The following TRPC4 variants were observed in gnomAD, a reference collection of about 807,000 sequenced individuals.
TRPC4 encodes the protein transient receptor potential cation channel subfamily C member 4.
A neutral mutation model predicts 99.4 loss-of-function variants in TRPC4; 49 were observed. That is an observed-to-expected ratio of 0.49 (90% CI 0.39 to 0.63). TRPC4 has a LOEUF of 0.63. Ranked by LOEUF, TRPC4 falls within the 20% of genes least tolerant of loss-of-function variation. The pLI, the probability that TRPC4 is intolerant of heterozygous loss-of-function variation, is 0.00. For missense variants in TRPC4, 898 were observed against 1,152.9 expected, an observed-to-expected ratio of 0.78 and a Z score of 3.20; for synonymous variants, 454 against 425.9, an observed-to-expected ratio of 1.07 and a Z score of -0.81.
intron 2 of TRPC4, among the ~76,000 whole-genome samples, chr13:37,763,530 A>G (rs11616422): frequency 0.5 from 76,371 of 151,408 alleles, 20,439 homozygotes; most frequent in Non-Finnish European, 0.6. Flanking sequence ...ATTGCTGGGC[A>G]CCACTGAGCA....
intron 1 of TRPC4, among the ~76,000 whole-genome samples, chr13:37,808,473 C>A (rs1957587655): frequency 6.6e-6 from 1 of 151,978 alleles, no homozygotes; most frequent in Admixed American, 6.6e-5. Context: ...CTGTGATGTA[C>A]CACCCAGCTC....
At chr13:37,703,919 T>C (rs1954184444) in intron 3 of TRPC4, among the ~76,000 whole-genome samples, 1 of 152,118 alleles carries the variant, frequency 6.6e-6, no homozygotes, top group South Asian at 2.1e-4. Context: ...ACAAATATCA[T>C]AGTAGCTTTT....
chr13:37,817,130 C>A (rs891350730), intron 1 of TRPC4, among the ~76,000 whole-genome samples: 8 of 152,054 alleles, frequency 5.3e-5, no homozygotes, highest in Non-Finnish European at 1.5e-5. Flanking sequence ...ACTCCATAGT[C>A]TCAGCACAAA....
chr13:37,785,276 T>C (rs906469336), intron 1 of TRPC4, among the ~76,000 whole-genome samples: 15 of 152,098 alleles, frequency 9.9e-5, no homozygotes, highest in Non-Finnish European at 2.1e-4. Context: ...TGGTTGACAC[T>C]CCCTTCCTTG....
intron 2 of TRPC4, among the ~76,000 whole-genome samples, chr13:37,755,515 C>T (rs980480717): frequency 1.3e-5 from 2 of 151,048 alleles, no homozygotes; most frequent in Non-Finnish European, 3.0e-5. Flanking sequence ...CAAGTGATCC[C>T]ACCTCCCCTC....
At chr13:37,722,782 A>T (rs1449787569) in intron 3 of TRPC4, among the ~76,000 whole-genome samples, 1 of 152,224 alleles carries the variant, frequency 6.6e-6, no homozygotes, top group South Asian at 2.1e-4. Context: ...GTTAATTAGT[A>T]AATAAACACT....
intron 2 of TRPC4, among the ~76,000 whole-genome samples, chr13:37,752,553 ATC>A (rs1401055096): frequency 1.3e-5 from 2 of 151,652 alleles, no homozygotes; most frequent in Admixed American, 6.6e-5. Context: ...TCAGGACCTA[ATC>A]TCTCTCTAGA....
chr13:37,694,535 A>C (rs1398801715), intron 3 of TRPC4, among the ~76,000 whole-genome samples: 3 of 152,184 alleles, frequency 2.0e-5, no homozygotes, highest in African/African-American at 7.2e-5. Context: ...ATACACACAT[A>C]TATACTCTGT....
intron 6 of TRPC4, among the ~76,000 whole-genome samples, chr13:37,657,108 A>AT (rs1474301292): frequency 6.6e-6 from 1 of 152,202 alleles, no homozygotes; most frequent in Non-Finnish European, 1.5e-5. Flanking sequence ...AAAATTTCAT[A>AT]TTTTTAATTG....
intron 6 of TRPC4, among the ~76,000 whole-genome samples, chr13:37,655,864 C>G (rs1414524539): frequency 6.6e-6 from 1 of 152,088 alleles, no homozygotes; most frequent in Non-Finnish European, 1.5e-5. Context: ...ACTAAGTCAT[C>G]ACTAATAAAT....
chr13:37,751,327 T>C (rs1955927274), intron 2 of TRPC4, among the ~76,000 whole-genome samples: 3 of 152,044 alleles, frequency 2.0e-5, no homozygotes, highest in Admixed American at 1.3e-4. Context: ...CTTTCGAAGA[T>C]GCTATTCAAA....
intron 3 of TRPC4, among the ~76,000 whole-genome samples, chr13:37,718,800 G>T (rs12583718): frequency 0.081 from 12,266 of 151,998 alleles, 673 homozygotes; most frequent in Admixed American, 0.17. Flanking sequence ...AATATCAAAA[G>T]GTGTATTTGA....
At chr13:37,648,757 G>A (rs1210947837) in intron 8 of TRPC4, among the ~76,000 whole-genome samples, 1 of 152,130 alleles carries the variant, frequency 6.6e-6, no homozygotes, top group Non-Finnish European at 1.5e-5. Context: ...GCTCCTCTTT[G>A]CTTCTAAAAA....
Position 37,636,978 on chromosome 13 carries a change from C to A in TRPC4, c.2859G>T (p.Glu953Asp). The stretch of plus-strand genomic sequence containing the variant: ...TTAGATCATAGTCTATACTAGAGTC[C>A]TCTTCTTTTGCATGTTTCTCCTTTG... ...IIPKEKHAKE[E>D]DSSIDYDLNL... Residue 953 changes from glutamate to aspartate, a missense_variant, in exon 11 of 11, where the codon GAG becomes GAT. Coordinates refer to ENST00000379705, the MANE Select transcript of TRPC4 (RefSeq NM_016179.4). 6.2e-7 allele frequency: 1 copy of A among 1,613,680 alleles called. No individual in the cohort carries two copies. Among genetic ancestry groups the A allele is most frequent in the Non-Finnish European group, 8.5e-7 (1 of 1,179,752 alleles).
intron 1 of TRPC4, among the ~76,000 whole-genome samples, chr13:37,792,006 A>G (rs1344293866): frequency 5.3e-5 from 8 of 152,164 alleles, no homozygotes; most frequent in South Asian, 2.1e-4. Context: ...AATTCATTCT[A>G]GGCATAATAG....
intron 2 of TRPC4, among the ~76,000 whole-genome samples, chr13:37,772,519 G>T (rs1956583743): frequency 6.6e-6 from 1 of 151,668 alleles, no homozygotes; most frequent in Non-Finnish European, 1.5e-5. Flanking sequence ...ATATATTTGT[G>T]TATGTATATG....
chr13:37,656,154 C>A (rs143728924), intron 6 of TRPC4, among the ~76,000 whole-genome samples: 5 of 151,900 alleles, frequency 3.3e-5, no homozygotes, highest in African/African-American at 9.7e-5. Flanking sequence ...TTAACTTACT[C>A]CAAAAAATGA....
chr13:37,758,119 G>A (rs1054552136), intron 2 of TRPC4, among the ~76,000 whole-genome samples: 5 of 151,778 alleles, frequency 3.3e-5, no homozygotes, highest in Non-Finnish European at 7.4e-5. Flanking sequence ...TTTATTTGTT[G>A]CAGTTCTCTG....
chr13:37,661,411 G>A lies in TRPC4; in HGVS notation c.1688+2005C>T, dbSNP rs1288200007. Reference sequence around the variant, plus strand: ...TTATGTATAACCTATTGATTGCAGAGGAATCAGATAGGTGAGAAGGGTTGG... The same window carrying A: ...TTATGTATAACCTATTGATTGCAGAAGAATCAGATAGGTGAGAAGGGTTGG... On this transcript the variant is annotated intron_variant, in intron 6 of 10. Transcript: ENST00000379705. Among the ~76,000 whole-genome samples, 5 of 152,306 alleles carry A rather than the reference G, an allele frequency of 3.3e-5. No homozygotes were observed. The South Asian group carries it at 8.3e-4, about 25-fold the overall frequency.
Sources: gnomAD v4.1 joint callset for allele counts (sites outside exome capture counted in the v4.1 genomes callset) on GRCh38, gnomAD v4.1.1 for gene constraint, MANE v1.5 for transcripts, NCBI Gene and HGNC (gene_info 2026-07-23, HGNC 2026-07-21) for gene names.